The following CMIP variants were observed in gnomAD, a reference collection of about 807,000 sequenced individuals.
The protein encoded by CMIP is C-Maf-inducing protein.
In CMIP, 13 loss-of-function variants were observed where a neutral mutation model predicts 97.3. That is an observed-to-expected ratio of 0.13 (90% confidence interval 0.09 to 0.21). The LOEUF is 0.21. CMIP is among the 10% of genes least tolerant of loss of function. The pLI, the probability that CMIP is intolerant of heterozygous loss-of-function variation, is 1.00. For synonymous variants in CMIP, 538 were observed against 436.3 expected (o/e 1.23, Z -2.91); for missense variants, 847 against 1,024.9 (o/e 0.83, Z 2.37).
chr16:81,462,949 G>A (rs1906981915), intron 1 of CMIP, among the ~76,000 whole-genome samples: 1 of 152,172 alleles, frequency 6.6e-6, no homozygotes, highest in Non-Finnish European at 1.5e-5. Context: ...CTAAGCATGA[G>A]AAAATATGCC....
intron 3 of CMIP, among the ~76,000 whole-genome samples, chr16:81,643,625 C>G (rs1355851289): frequency 6.6e-6 from 1 of 152,114 alleles, no homozygotes; most frequent in Non-Finnish European, 1.5e-5. Context: ...AACCCCATCT[C>G]TACTAAAAAT....
intron 13 of CMIP, 56 bp from the exon 14 acceptor site, chr16:81,696,504 G>A (rs189617963): frequency 2.5e-5 from 38 of 1,523,164 alleles, no homozygotes; most frequent in South Asian, 2.3e-4. Flanking sequence ...GATCATGGTC[G>A]CCCTTGTCAC....
At chr16:81,600,409 C>T (rs1054051476) in intron 1 of CMIP, among the ~76,000 whole-genome samples, 2 of 152,088 alleles carry the variant, frequency 1.3e-5, no homozygotes, top group South Asian at 2.1e-4. Context: ...TGTCAGTCAG[C>T]CATGAAAGGA....
chr16:81,523,864 C>T (rs557097191), intron 1 of CMIP, among the ~76,000 whole-genome samples: 1 of 152,228 alleles, frequency 6.6e-6, no homozygotes, highest in African/African-American at 2.4e-5. Context: ...CCCAGCTCAT[C>T]CCTTGGCTCC....
intron 1 of CMIP, among the ~76,000 whole-genome samples, chr16:81,517,260 G>A (rs923262113): frequency 3.9e-5 from 4 of 102,536 alleles, no homozygotes; most frequent in Admixed American, 2.5e-4. Flanking sequence ...AAAACCAGAC[G>A]GCCTCCAAGG....
At chr16:81,450,803 T>C (rs918321848) in intron 1 of CMIP, among the ~76,000 whole-genome samples, 8 of 152,212 alleles carry the variant, frequency 5.3e-5, no homozygotes, top group African/African-American at 1.9e-4. Context: ...ATCAGGTAGA[T>C]TTGATTAGTA....
chr16:81,503,597 G>A (rs888450433), intron 1 of CMIP, among the ~76,000 whole-genome samples: 56 of 152,290 alleles, frequency 3.7e-4, no homozygotes, highest in African/African-American at 1.3e-3. Context: ...AGGTCTCTCT[G>A]TGTTGCTGAG....
chr16:81,636,545 C>T (rs1370672021), intron 3 of CMIP, among the ~76,000 whole-genome samples: 1 of 142,422 alleles, frequency 7.0e-6, no homozygotes, highest in Non-Finnish European at 1.5e-5. Flanking sequence ...TGCGCCACTG[C>T]ATTCCAGCCT....
In CMIP at chr16:81,603,314, C is replaced by T. The variant is rs191717528; in HGVS notation, c.301-4253C>T. ...GCCAGGATGGTCTCGATCAAGGTGA[C>T]GTCATGATCCGCCCACCTTGGCCTC... On this transcript the variant is annotated intron_variant, in intron 1 of 20. Coordinates refer to ENST00000537098, the MANE Select transcript of CMIP (RefSeq NM_198390.3). The T allele has an allele frequency of 1.1e-3, 504 of 446,100 alleles. 1 individual carries two copies. The highest frequency in any genetic ancestry group is 4.3e-3 in the Middle Eastern group (6 of 1,404). The allele number at this position is 446,100 out of a possible 1,614,324, so 27.6% of individuals were successfully genotyped here. A position where few individuals can be genotyped will look rare whatever the true frequency, so the allele number is the denominator to read the frequency against.
intron 1 of CMIP, among the ~76,000 whole-genome samples, chr16:81,480,872 T>G (rs1030545160): frequency 6.6e-6 from 1 of 152,134 alleles, no homozygotes; most frequent in Non-Finnish European, 1.5e-5. Flanking sequence ...GCCCTCCTGG[T>G]GGGGACCTCA....
intron 3 of CMIP, among the ~76,000 whole-genome samples, chr16:81,641,269 C>G (rs2092303715): frequency 6.6e-6 from 1 of 152,122 alleles, no homozygotes; most frequent in South Asian, 2.1e-4. Flanking sequence ...CATTTTCATT[C>G]TCCCCACTGC....
At chr16:81,685,632 A>T (rs1174725790) in intron 10 of CMIP, among the ~76,000 whole-genome samples, 1 of 151,464 alleles carries the variant, frequency 6.6e-6, no homozygotes, top group Non-Finnish European at 1.5e-5. Context: ...GCAGCCTCGA[A>T]CTGCCAGGCT....
At chr16:81,498,717 G>A (rs1371720503) in intron 1 of CMIP, among the ~76,000 whole-genome samples, 3 of 152,120 alleles carry the variant, frequency 2.0e-5, no homozygotes, top group African/African-American at 7.2e-5. Context: ...GCCCTGGCAT[G>A]CACTCCCCCA....
intron 1 of CMIP, among the ~76,000 whole-genome samples, chr16:81,595,489 A>G (rs1215429126): frequency 6.6e-6 from 1 of 151,220 alleles, no homozygotes; most frequent in Non-Finnish European, 1.5e-5. Flanking sequence ...GCCCTGTTCA[A>G]GCAGTTCTCC....
At chr16:81,596,287 C>T (rs1350283618) in intron 1 of CMIP, among the ~76,000 whole-genome samples, 1 of 152,074 alleles carries the variant, frequency 6.6e-6, no homozygotes, top group Non-Finnish European at 1.5e-5. Context: ...GGGCAGATCA[C>T]TTGAGGTCAG....
At chr16:81,703,760 G>C (rs1442277068) in intron 17 of CMIP, 179 bp from the exon 18 acceptor site, 4 of 749,706 alleles carry the variant, frequency 5.3e-6, no homozygotes, top group Non-Finnish European at 6.2e-6. Context: ...CTCCCTCTCT[G>C]GCCACCCCCT....
intron 20 of CMIP, 61 bp from the exon 21 acceptor site, chr16:81,709,685 A>AC: frequency 6.3e-7 from 1 of 1,585,056 alleles, no homozygotes; most frequent in Non-Finnish European, 8.7e-7. Flanking sequence ...GGAGCCAGGC[A>AC]CTGGCAGCTT....
At chr16:81,486,575 A>G (rs941409178) in intron 1 of CMIP, among the ~76,000 whole-genome samples, 10 of 152,204 alleles carry the variant, frequency 6.6e-5, no homozygotes, top group Admixed American at 2.6e-4. Flanking sequence ...CAGACCGCCG[A>G]GTCCCTCCAG....
intron 1 of CMIP, among the ~76,000 whole-genome samples, chr16:81,467,883 CTTTTTT>C (rs754844403): frequency 8.8e-6 from 1 of 113,480 alleles, no homozygotes; most frequent in Non-Finnish European, 1.9e-5. Flanking sequence ...GCCTGGCCTT[CTTTTTT>C]TTTTTTTTTT....
Sources: allele counts gnomAD v4.1 joint callset (sites outside exome capture counted in the v4.1 genomes callset), GRCh38; gene constraint gnomAD v4.1.1; transcripts MANE v1.5; gene names NCBI Gene and HGNC (gene_info 2026-07-23, HGNC 2026-07-21).